C1orf50: variants seen among roughly 807,000 people sequenced by gnomAD.
C1orf50 encodes uncharacterized protein C1orf50.
Under a neutral mutation model 23.3 loss-of-function variants are expected in C1orf50, and 22 were observed. The ratio of observed to expected loss-of-function variants is 0.94; its 90% CI spans 0.67 to 1.35. C1orf50 has a LOEUF of 1.35. Ranked by LOEUF, C1orf50 falls within the 40% of genes most tolerant of loss-of-function variation. The pLI is 0.00. For synonymous variants in C1orf50, 96 were observed against 102.4 expected (o/e 0.94, Z 0.38); for missense variants, 271 against 249.4 (o/e 1.09, Z -0.58).
intron 2 of C1orf50, among the ~76,000 whole-genome samples, chr1:42,772,700 G>C (rs919990779): frequency 6.6e-6 from 1 of 151,998 alleles, no homozygotes; most frequent in African/African-American, 2.4e-5. Context: ...AGAATTACTT[G>C]ACTCCAGGAG....
rs1653339484 is a variant in C1orf50, at chr1:42,776,305, T to TA, written c.*912dup. ...GATTGAAATCCATTTTGACCAGAAT[T>TA]ATTCAAGAACTTAACAGGGTTTTGG... On this transcript the variant is annotated 3_prime_UTR_variant, in exon 5 of 5. Transcript: ENST00000372525. 1 of 152,220 alleles carries TA rather than the reference T, an allele frequency of 6.6e-6. No individual in the cohort carries two copies. The highest frequency in any genetic ancestry group is 2.4e-5 in the African/African-American group (1 of 41,462). 9.4% of individuals were successfully genotyped at this position (152,220 alleles called of 1,614,324 possible).
chr1:42,767,738 C>T (rs905829238), intron 2 of C1orf50, 114 bp downstream of exon 2: 1 of 943,010 alleles, frequency 1.1e-6, no homozygotes, highest in Non-Finnish European at 1.6e-6. Flanking sequence ...GCTCTTGTCT[C>T]CATTTTACAG....
rs774764217 is a variant in C1orf50, at chr1:42,767,630, G to A, written c.195+6G>A. 12 of 1,607,272 alleles carry A rather than the reference G, an allele frequency of 7.5e-6. No homozygotes were observed. Among genetic ancestry groups the A allele is most frequent in the Non-Finnish European group, 1.0e-5 (12 of 1,177,086 alleles). ...TCGCAGAGCAGGTGCAGAAGGTGAG[G>A]AGGCGCGGCCGGGGCAGCGAATAAC... On this transcript the variant is annotated splice_donor_region_variant and intron_variant, in intron 2 of 4. Coordinates refer to ENST00000372525, the MANE Select transcript of C1orf50 (RefSeq NM_024097.4).
Position 42,775,306 on chromosome 1 carries a change from C to T in C1orf50, c.512C>T (p.Ala171Val), listed in dbSNP as rs1475804478. The change falls in exon 5 of 5, where the codon GCT (alanine) becomes GTT (valine). Residue 171 changes from alanine (A) to valine (V), a missense_variant. Physicochemically the swap from Ala to Val is moderately conservative, Grantham distance 64. Transcript: ENST00000372525. ...TPYEDIEKQD[A>V]KISMMDTLLS... ...TATGAGGACATTGAGAAGCAAGATG[C>T]TAAAATCAGCATGATGGACACGTTG... 1 of 1,613,400 alleles carries T rather than the reference C, an allele frequency of 6.2e-7. No homozygotes were observed. Among genetic ancestry groups the T allele is most frequent in the South Asian group, 1.1e-5 (1 of 91,046 alleles).
In C1orf50 at chr1:42,767,346, G is replaced by C. The variant is rs970112718; in HGVS notation, c.35G>C (p.Gly12Ala). 1.3e-6 allele frequency: 2 copies of C among 1,536,602 alleles called. No individual in the cohort carries two copies. The highest frequency in any genetic ancestry group is 2.8e-5 in the African/African-American group (2 of 72,092). ...GCCGCCGCGCCGGGGCGGACCGAGG[G>C]GGTCCTTGAAAGGCAAGGAGCGCCG... The part of the protein sequence containing the change: ...EDAAAPGRTE[G>A]VLERQGAPPA... Residue 12 changes from glycine (G) to alanine (A), a missense_variant, in exon 1 of 5, where the codon GGG becomes GCG. Coordinates refer to ENST00000372525, the MANE Select transcript of C1orf50 (RefSeq NM_024097.4).
At chr1:42,773,854 C>T (rs1379053844) in intron 3 of C1orf50, among the ~76,000 whole-genome samples, 4 of 152,106 alleles carry the variant, frequency 2.6e-5, no homozygotes, top group Non-Finnish European at 5.9e-5. Flanking sequence ...CAGAGGTTTG[C>T]TCTTGTTGCC....
At chr1:42,769,034 T>G (rs1392001623) in intron 2 of C1orf50, among the ~76,000 whole-genome samples, 2 of 148,596 alleles carry the variant, frequency 1.3e-5, no homozygotes, top group Non-Finnish European at 3.0e-5. Context: ...GAGGCCAAGG[T>G]GGGTGGATCA....
At position 42,776,732 on chromosome 1, in the gene C1orf50, T is replaced by C. The variant is rs1030262047; in HGVS notation, c.*1338T>C. On this transcript the variant is annotated 3_prime_UTR_variant, in exon 5 of 5. Transcript: ENST00000372525. ...GGACTCAGCTGCAGAGGTCTTTTGC[T>C]CAGGTGCTGCAGAGCCGGATGGAAG... is the stretch of plus-strand genomic sequence containing the variant. The C allele has an allele frequency of 3.3e-5, 5 of 152,204 alleles. No individual in the cohort carries two copies. Among genetic ancestry groups the C allele is most frequent in the African/African-American group, 1.2e-4 (5 of 41,440 alleles). The allele number at this position is 152,204 out of a possible 1,614,324, so 9.4% of individuals were successfully genotyped here.
intron 2 of C1orf50, 74 bp from the exon 3 acceptor site, chr1:42,773,489 C>T: frequency 1.1e-6 from 1 of 924,570 alleles, no homozygotes; most frequent in Admixed American, 2.2e-5. Context: ...TAACATAACC[C>T]TGGGATCAAG....
In C1orf50 at chr1:42,767,595, C is replaced by T; in HGVS notation, c.166C>T (p.Leu56Phe). Residue 56 changes from leucine to phenylalanine, a missense_variant, in exon 2 of 5, where the codon CTC becomes TTC. Coordinates refer to ENST00000372525, the MANE Select transcript of C1orf50 (RefSeq NM_024097.4). The stretch of plus-strand genomic sequence containing the variant: ...CCACCGGGCCGGGGACCCCTTAGAC[C>T]TCGTGGCGCTCGCAGAGCAGGTGCA... ...HTHRAGDPLDLVALAEQVQKA... is the reference protein window; with the variant it reads ...HTHRAGDPLDFVALAEQVQKA... 1.9e-6 allele frequency: 3 copies of T among 1,611,938 alleles called. No individual in the cohort carries two copies. Among genetic ancestry groups the T allele is most frequent in the South Asian group, 2.2e-5 (2 of 90,800 alleles).
intron 2 of C1orf50, among the ~76,000 whole-genome samples, chr1:42,767,910 C>T (rs576069435): frequency 3.3e-5 from 5 of 152,306 alleles, no homozygotes; most frequent in African/African-American, 1.2e-4. Flanking sequence ...CTTAGGACAG[C>T]CTTGTGAGGT....
rs1653321345 is a variant in C1orf50 at position 42,775,634 on chromosome 1, A to G, written c.*240A>G. The G allele has an allele frequency of 2.6e-6, 1 of 385,778 alleles. No homozygotes were observed. Among genetic ancestry groups the G allele is most frequent in the Non-Finnish European group, 4.7e-6 (1 of 213,226 alleles). 23.9% of individuals were successfully genotyped at this position (385,778 alleles called of 1,614,324 possible). On this transcript the variant is annotated 3_prime_UTR_variant, in exon 5 of 5. Transcript: ENST00000372525. ...AGATACCCAAGTCAGTCAGTTTCAGAGTATTGGCCAGTGTACTTTCCTTCT... is the reference window on the plus strand; with the variant it reads ...AGATACCCAAGTCAGTCAGTTTCAGGGTATTGGCCAGTGTACTTTCCTTCT...
chr1:42,768,245 G>T (rs562860776), intron 2 of C1orf50, among the ~76,000 whole-genome samples: 1 of 152,186 alleles, frequency 6.6e-6, no homozygotes, highest in East Asian at 1.9e-4. Flanking sequence ...CTTCTCTCTG[G>T]ACCTCAACTA....
chr1:42,769,583 C>T (rs1324026631), intron 2 of C1orf50: 1 of 151,282 alleles, frequency 6.6e-6, no homozygotes, highest in Non-Finnish European at 1.5e-5. Context: ...GTGGCTCACG[C>T]TTGTAATCCG....
At position 42,767,596 on chromosome 1, in the gene C1orf50, T is replaced by C. The variant is rs1473840999; in HGVS notation, c.167T>C (p.Leu56Pro). 2 of 1,611,642 alleles carry C rather than the reference T, an allele frequency of 1.2e-6. No homozygotes were observed. The highest frequency in any genetic ancestry group is 3.3e-5 in the Admixed American group (2 of 59,842). Reference protein sequence around the residue: ...HTHRAGDPLDLVALAEQVQKA... With the variant: ...HTHRAGDPLDPVALAEQVQKA... The stretch of plus-strand genomic sequence containing the variant: ...CACCGGGCCGGGGACCCCTTAGACC[T>C]CGTGGCGCTCGCAGAGCAGGTGCAG... The change falls in exon 2 of 5, where the codon CTC (leucine) becomes CCC (proline). Residue 56 changes from leucine (L) to proline (P), a missense_variant. Transcript: ENST00000372525.
intron 4 of C1orf50, 33 bp from the exon 5 acceptor site, chr1:42,775,176 G>C: frequency 6.4e-7 from 1 of 1,566,198 alleles, no homozygotes; most frequent in Non-Finnish European, 8.8e-7. Context: ...TACAACCCAC[G>C]CTGATGGGAA....
At chr1:42,772,665 C>T (rs974208847) in intron 2 of C1orf50, among the ~76,000 whole-genome samples, 1 of 152,018 alleles carries the variant, frequency 6.6e-6, no homozygotes, top group Non-Finnish European at 1.5e-5. Flanking sequence ...CCTGTAATCC[C>T]AGCTACTCAG....
chr1:42,773,471 C>T, intron 2 of C1orf50, 92 bp from the exon 3 acceptor site: 1 of 795,882 alleles, frequency 1.3e-6, no homozygotes, highest in Non-Finnish European at 2.0e-6. Context: ...TAGGCAGAAG[C>T]AAAATATTAA....
intron 2 of C1orf50, among the ~76,000 whole-genome samples, chr1:42,768,003 T>C (rs1295665472): frequency 2.0e-5 from 3 of 152,218 alleles, no homozygotes; most frequent in Non-Finnish European, 4.4e-5. Flanking sequence ...TTAAGCTGCT[T>C]CCCATAAGAT....
Sources: allele counts gnomAD v4.1 joint callset (sites outside exome capture counted in the v4.1 genomes callset), GRCh38; gene constraint gnomAD v4.1.1; transcripts MANE v1.5; gene names NCBI Gene and HGNC (gene_info 2026-07-23, HGNC 2026-07-21).